The following MYRFL variants were observed in gnomAD, a reference collection of about 807,000 sequenced individuals.
The protein encoded by MYRFL is myelin regulatory factor-like protein.
Under a neutral mutation model 109.4 loss-of-function variants are expected in MYRFL, and 88 were observed. The ratio of observed to expected loss-of-function variants is 0.80; its 90% CI spans 0.68 to 0.96. MYRFL has a LOEUF of 0.96. Ranked by LOEUF, MYRFL falls within the 40% of genes least tolerant of loss-of-function variation. The probability of loss-of-function intolerance (pLI) is 0.00; values close to 1 mark genes in which losing one functional copy is unlikely to be tolerated. For synonymous variants in MYRFL, 324 were observed against 320.9 expected (o/e 1.01, Z -0.10); for missense variants, 957 against 954.9 (o/e 1.00, Z -0.03).
chr12:69,857,266 G>A (rs11560007), intron 2 of MYRFL, among the ~76,000 whole-genome samples: 3,225 of 151,830 alleles, frequency 0.021, 63 homozygotes, highest in East Asian at 0.063. Context: ...CTTGATTACT[G>A]TACATGATCT....
chr12:69,958,442 C>A lies in MYRFL; in HGVS notation c.2647-3C>A. 6.6e-7 allele frequency: 1 copy of A among 1,518,736 alleles called. No homozygotes were observed. The highest frequency in any genetic ancestry group is 8.8e-7 in the Non-Finnish European group (1 of 1,139,772). 94.1% of individuals were successfully genotyped at this position (1,518,736 alleles called of 1,614,324 possible). A position where few individuals can be genotyped will look rare whatever the true frequency, so the allele number is the denominator to read the frequency against. ...CCTTTTTTTTTTTCTCCTTTTCTGA[C>A]AGGATTTAGCTGACTGTTCAACTGA... On this transcript the variant is annotated splice_region_variant and splice_polypyrimidine_tract_variant and intron_variant, in intron 24 of 24. Transcript: ENST00000552032.
chr12:69,832,492 G>A (rs992644851), intron 1 of MYRFL, among the ~76,000 whole-genome samples: 3 of 152,114 alleles, frequency 2.0e-5, no homozygotes, highest in Admixed American at 1.3e-4. Context: ...AAATAAAACC[G>A]GATGGTGGTG....
At chr12:69,869,942 C>T (rs755814702) in intron 2 of MYRFL, among the ~76,000 whole-genome samples, 9 of 152,220 alleles carry the variant, frequency 5.9e-5, no homozygotes, top group South Asian at 2.1e-4. Context: ...CTATTTTGTA[C>T]GCCCTCTTTT....
intron 1 of MYRFL, among the ~76,000 whole-genome samples, chr12:69,832,771 T>G (rs1882708655): frequency 6.6e-6 from 1 of 151,842 alleles, no homozygotes; most frequent in South Asian, 2.1e-4. Flanking sequence ...AGAGTTTGGA[T>G]TTTTATTCTC....
chr12:69,926,900 T>C (rs1200599460), intron 14 of MYRFL, among the ~76,000 whole-genome samples, 166 bp downstream of exon 14: 3 of 150,810 alleles, frequency 2.0e-5, no homozygotes, highest in Non-Finnish European at 4.4e-5. Flanking sequence ...AATTGTCTGA[T>C]GTGATAACTT....
chr12:69,842,098 T>C (rs1409316827), intron 1 of MYRFL, among the ~76,000 whole-genome samples: 1 of 152,206 alleles, frequency 6.6e-6, no homozygotes, highest in East Asian at 1.9e-4. Flanking sequence ...ATTGCTTCTT[T>C]GTGTTTGGGT....
chr12:69,903,911 G>T, intron 11 of MYRFL, 67 bp downstream of exon 11: 1 of 1,390,552 alleles, frequency 7.2e-7, no homozygotes, highest in South Asian at 1.5e-5. Context: ...GGTGCTCCTG[G>T]CCTCTGACAC....
chr12:69,912,738 A>G (rs2120397296), intron 13 of MYRFL, among the ~76,000 whole-genome samples: 1 of 152,270 alleles, frequency 6.6e-6, no homozygotes, highest in East Asian at 1.9e-4. Flanking sequence ...TGTTTTAGGT[A>G]TTGTGAATAA....
intron 19 of MYRFL, among the ~76,000 whole-genome samples, chr12:69,948,079 A>G (rs1408525368): frequency 6.6e-6 from 1 of 152,146 alleles, no homozygotes; most frequent in African/African-American, 2.4e-5. Flanking sequence ...AATGAATATC[A>G]CTGGAAGGCA....
At position 69,930,609 on chromosome 12, in the gene MYRFL, A is replaced by T. The variant is rs1023082967; in HGVS notation, c.1831-1904A>T. 2.0e-5 allele frequency among the ~76,000 whole-genome samples: 3 copies of T among 152,052 alleles called. 1 individual carries two copies. The highest frequency in any genetic ancestry group is 7.2e-5 in the African/African-American group (3 of 41,394). On this transcript the variant is annotated intron_variant, in intron 15 of 24. Transcript: ENST00000552032. ...CAGAGTGGGTGGATCACTTGAGCCC[A>T]GGAGTTCAAGACTGGCCTGGACAAC... is the stretch of plus-strand genomic sequence containing the variant.
intron 11 of MYRFL, chr12:69,904,127 C>T (rs1954281837): frequency 6.1e-6 from 2 of 325,410 alleles, no homozygotes; most frequent in South Asian, 8.6e-5. Flanking sequence ...TTCCACAGGC[C>T]ATTGCCCTTC....
chr12:69,845,447 A>G (rs1205049387), intron 1 of MYRFL, among the ~76,000 whole-genome samples: 1 of 152,212 alleles, frequency 6.6e-6, no homozygotes, highest in Non-Finnish European at 1.5e-5. Context: ...GACCATCTAA[A>G]TCTCTAGGAA....
chr12:69,905,805 A>T (rs1026499), intron 11 of MYRFL, among the ~76,000 whole-genome samples: 13,269 of 152,258 alleles, frequency 0.087, 1,128 homozygotes, highest in East Asian at 0.45. Flanking sequence ...ATATATTTGT[A>T]GAAATCTTGT....
chr12:69,903,825 C>T lies in MYRFL; in HGVS notation c.1364C>T (p.Ala455Val). The change falls in exon 11 of 25, where the codon GCA becomes GTA. Residue 455 changes from alanine (A) to valine (V), a missense_variant. Ala to Val is a moderately conservative substitution (Grantham distance 64). Transcript: ENST00000552032. ...GTIMHPSDSR[A>V]KQNIQEVDTN... is the part of the protein sequence containing the mutation. The stretch of plus-strand genomic sequence containing the variant: ...ATCATGCATCCCTCTGACAGCCGGG[C>T]AAAGCAGAATATCCAGGAGGTGAGC... 6.5e-7 allele frequency: 1 copy of T among 1,533,290 alleles called. No individual in the cohort carries two copies. The highest frequency in any genetic ancestry group is 8.7e-7 in the Non-Finnish European group (1 of 1,145,004). The allele number at this position is 1,533,290 out of a possible 1,614,324, so 95.0% of individuals were successfully genotyped here. A position where few individuals can be genotyped will look rare whatever the true frequency, so the allele number is the denominator to read the frequency against.
intron 2 of MYRFL, among the ~76,000 whole-genome samples, chr12:69,861,769 A>T (rs1322430611): frequency 6.7e-6 from 1 of 149,670 alleles, no homozygotes; most frequent in African/African-American, 2.4e-5. Context: ...CCCATTTGTC[A>T]ATTTTGGCTT....
intron 10 of MYRFL, among the ~76,000 whole-genome samples, chr12:69,901,169 G>A (rs1954169887): frequency 6.6e-6 from 1 of 152,128 alleles, no homozygotes; most frequent in African/African-American, 2.4e-5. Flanking sequence ...TAAATAAGAG[G>A]ATATGACACA....
chr12:69,903,527 G>A, intron 10 of MYRFL, 117 bp from the exon 11 acceptor site: 1 of 1,147,614 alleles, frequency 8.7e-7, no homozygotes, highest in Non-Finnish European at 1.2e-6. Flanking sequence ...ACTCAATACA[G>A]GATTCTCTTA....
chr12:69,845,174 T>C (rs1264637010), intron 1 of MYRFL, among the ~76,000 whole-genome samples: 2 of 152,080 alleles, frequency 1.3e-5, no homozygotes, highest in Admixed American at 1.3e-4. Context: ...AAAATATCCT[T>C]TTATTTGTTA....
intron 14 of MYRFL, 35 bp downstream of exon 14, chr12:69,926,769 GA>G: frequency 7.2e-7 from 1 of 1,381,652 alleles, no homozygotes; most frequent in South Asian, 1.9e-5. Context: ...GAAATTTGGG[GA>G]AAGGAGAGAG....
Sources: allele counts gnomAD v4.1 joint callset (sites outside exome capture counted in the v4.1 genomes callset), GRCh38; gene constraint gnomAD v4.1.1; transcripts MANE v1.5; gene names NCBI Gene and HGNC (gene_info 2026-07-23, HGNC 2026-07-21).